Variants in CAMTA1 observed in about 807,000 individuals in gnomAD.
The protein encoded by CAMTA1 is calmodulin-binding transcription activator 1.
Under a neutral mutation model 170.9 loss-of-function variants are expected in CAMTA1, and 27 were observed. The ratio of observed to expected loss-of-function variants is 0.16; its 90% CI spans 0.12 to 0.22. The LOEUF is 0.22. Ranked by LOEUF, CAMTA1 falls within the 10% of genes least tolerant of loss-of-function variation. The probability of loss-of-function intolerance (pLI) is 1.00; values close to 1 mark genes in which losing one functional copy is unlikely to be tolerated. For synonymous variants in CAMTA1, 833 were observed against 891.5 expected, an observed-to-expected ratio of 0.93 and a Z score of 1.17; for missense variants, 1,619 against 2,217.2, an observed-to-expected ratio of 0.73 and a Z score of 5.42.
At chr1:7,508,881 C>G (rs531395832) in intron 6 of CAMTA1, among the ~76,000 whole-genome samples, 1 of 152,210 alleles carries the variant, frequency 6.6e-6, no homozygotes, top group Admixed American at 6.5e-5. Flanking sequence ...CCTTCTCCCC[C>G]TCTTGATTTC....
chr1:7,052,026 T>C (rs534269345), intron 3 of CAMTA1, among the ~76,000 whole-genome samples: 1 of 117,976 alleles, frequency 8.5e-6, no homozygotes, highest in East Asian at 2.8e-4. Context: ...CCCTTTCAAG[T>C]GGAGGCTGTG....
At chr1:6,990,811 ATATATATATT>A (rs1168136493) in intron 3 of CAMTA1, among the ~76,000 whole-genome samples, 31 of 150,400 alleles carry the variant, frequency 2.1e-4, no homozygotes, top group Non-Finnish European at 3.7e-4. Flanking sequence ...CTCTCTATAT[ATATATATATT>A]TATATATATA....
chr1:7,384,214 C>T (rs2087680503), intron 5 of CAMTA1, among the ~76,000 whole-genome samples: 1 of 152,226 alleles, frequency 6.6e-6, no homozygotes, highest in African/African-American at 2.4e-5. Flanking sequence ...ATTCTGAAAG[C>T]ACCACCTGCA....
chr1:7,732,588 A>G lies in CAMTA1; in HGVS notation c.3055A>G (p.Ser1019Gly), dbSNP rs749185810. ...CGGCAGCGGGAGCGGGAATGGAGGG[A>G]GCCAGGCACAGGTACGAGGCGGTGC... The part of the protein sequence containing the change: ...GGGSGSGNGG[S>G]QAQCASGTGA... Residue 1019 changes from serine (S) to glycine (G), a missense_variant, in exon 12 of 23, where the codon AGC becomes GGC. Ser to Gly is a moderately conservative substitution (Grantham distance 56). Around this residue, in one of 8 missense-constraint regions of CAMTA1, gnomAD observed 143 missense variants for 184.2 expected, o/e 0.78. Transcript: ENST00000303635. This position sits in a 1 kb window ranked among gnomAD's most constrained non-coding sequence, Gnocchi z 4.1. 1.7e-5 allele frequency: 27 copies of G among 1,607,006 alleles called. 1 individual carries two copies. The South Asian group carries it at 2.8e-4, about 16-fold the overall frequency.
At chr1:7,729,172 A>G (rs1369383850) in intron 11 of CAMTA1, among the ~76,000 whole-genome samples, 1 of 147,894 alleles carries the variant, frequency 6.8e-6, no homozygotes, top group Non-Finnish European at 1.5e-5. Context: ...GCTGGAGTGC[A>G]GTGGTGCCAT....
chr1:7,506,650 G>A (rs1416108562), intron 6 of CAMTA1, among the ~76,000 whole-genome samples: 1 of 150,524 alleles, frequency 6.6e-6, no homozygotes, highest in Non-Finnish European at 1.5e-5. Flanking sequence ...AACACCTCAT[G>A]CTGAAACGTA....
chr1:7,657,644 C>T (rs536182439), intron 7 of CAMTA1, among the ~76,000 whole-genome samples: 1 of 152,306 alleles, frequency 6.6e-6, no homozygotes, highest in African/African-American at 2.4e-5. Context: ...TAGAAATCTC[C>T]CTTCCCACTG....
intron 5 of CAMTA1, among the ~76,000 whole-genome samples, chr1:7,397,966 G>A (rs945826812): frequency 7.9e-5 from 12 of 151,648 alleles, no homozygotes; most frequent in African/African-American, 2.9e-4. Context: ...GCAGCTGCTG[G>A]ATAAAATGTT....
intron 7 of CAMTA1, among the ~76,000 whole-genome samples, chr1:7,643,460 G>T (rs80246481): frequency 6.6e-6 from 1 of 152,150 alleles, no homozygotes; most frequent in African/African-American, 2.4e-5. Context: ...AATTCTTCTC[G>T]ACACACACAG....
intron 4 of CAMTA1, among the ~76,000 whole-genome samples, chr1:7,094,809 G>A (rs535643537): frequency 2.1e-4 from 32 of 152,220 alleles, no homozygotes; most frequent in African/African-American, 7.5e-4. Flanking sequence ...TGGGACCTCC[G>A]GTTTGAAAAA....
rs1168541383 is a variant in CAMTA1, at chr1:7,609,060, G to A, written c.511-31340G>A. On this transcript the variant is annotated intron_variant, in intron 6 of 22. Transcript: ENST00000303635. This position sits in a 1 kb window ranked among gnomAD's most constrained non-coding sequence, Gnocchi z 4.4. ...TGATGCAGGCTGGGCCCCCCGCAGG[G>A]GTGGGGGCAGTGCTGAGTCACTTCC... Among the ~76,000 whole-genome samples the A allele has an allele frequency of 6.6e-6, 1 of 152,110 alleles. No individual in the cohort carries two copies. Among genetic ancestry groups the A allele is most frequent in the Non-Finnish European group, 1.5e-5 (1 of 68,010 alleles).
At chr1:7,581,935 C>G (rs544267652) in intron 6 of CAMTA1, among the ~76,000 whole-genome samples, 3 of 152,308 alleles carry the variant, frequency 2.0e-5, no homozygotes, top group East Asian at 3.9e-4. Context: ...AGGGTTTACA[C>G]AAAGCTGCAC....
intron 11 of CAMTA1, among the ~76,000 whole-genome samples, chr1:7,705,312 C>T (rs2149569698): frequency 6.7e-6 from 1 of 149,064 alleles, no homozygotes; most frequent in East Asian, 2.1e-4. Context: ...GTGTCGACGC[C>T]CGAGCCTGCG....
Position 7,680,159 on chromosome 1 carries a change from C to A in CAMTA1, c.2914+2426C>A. 9.3e-6 allele frequency: 2 copies of A among 214,598 alleles called. No individual in the cohort carries two copies. Among genetic ancestry groups the A allele is most frequent in the Non-Finnish European group, 2.1e-5 (2 of 97,530 alleles). 13.3% of individuals were successfully genotyped at this position (214,598 alleles called of 1,614,324 possible). A position where few individuals can be genotyped will look rare whatever the true frequency, so the allele number is the denominator to read the frequency against. Reference sequence around the variant, plus strand: ...CGGGGGTCCCGGGCCTCTGGCCAGCCACGGGGCCTGGCCATGAACTTTGCG... The same window carrying A: ...CGGGGGTCCCGGGCCTCTGGCCAGCAACGGGGCCTGGCCATGAACTTTGCG... On this transcript the variant is annotated intron_variant, in intron 11 of 22. Coordinates refer to ENST00000303635, the MANE Select transcript of CAMTA1 (RefSeq NM_015215.4). The surrounding 1 kb of genome is among the most constrained non-coding windows in gnomAD (Gnocchi z 4.4).
chr1:7,495,882 C>T (rs542430124), intron 6 of CAMTA1, among the ~76,000 whole-genome samples: 1 of 152,342 alleles, frequency 6.6e-6, no homozygotes, highest in South Asian at 2.1e-4. Context: ...GGAAAGCCTG[C>T]GAGTCCTGGG....
intron 5 of CAMTA1, among the ~76,000 whole-genome samples, chr1:7,348,286 G>A (rs74052953): frequency 0.023 from 3,514 of 152,328 alleles, 145 homozygotes; most frequent in African/African-American, 0.081. Flanking sequence ...CTTCTTGGCT[G>A]CAGTTTCTGC....
intron 17 of CAMTA1, 122 bp from the exon 18 acceptor site, chr1:7,745,723 G>A: frequency 8.5e-7 from 1 of 1,174,240 alleles, no homozygotes; most frequent in South Asian, 1.4e-5. Flanking sequence ...ACTGAATGAA[G>A]GCATGTTCCT....
At chr1:7,225,966 C>G (rs1354882412) in intron 4 of CAMTA1, among the ~76,000 whole-genome samples, 1 of 152,076 alleles carries the variant, frequency 6.6e-6, no homozygotes, top group Non-Finnish European at 1.5e-5. Flanking sequence ...TTGGGGGTAT[C>G]CTAGGATGGC....
In CAMTA1 at chr1:7,573,934, C is replaced by T. The variant is rs530759764; in HGVS notation, c.511-66466C>T. On this transcript the variant is annotated intron_variant, in intron 6 of 22. Coordinates refer to ENST00000303635, the MANE Select transcript of CAMTA1 (RefSeq NM_015215.4). ...GATTACAGGCGTGCACCACCATGCC[C>T]GGCTAATTTTTGTATTTTTAGTAGA... Among the ~76,000 whole-genome samples the T allele has an allele frequency of 1.4e-4, 21 of 152,072 alleles. No individual in the cohort carries two copies. The East Asian group carries it at 3.1e-3, about 22-fold the overall frequency.
Sources: allele counts gnomAD v4.1 joint callset (sites outside exome capture counted in the v4.1 genomes callset), GRCh38; gene constraint gnomAD v4.1.1; regional missense constraint gnomAD v4.1.1; non-coding constraint Gnocchi (gnomAD v3.1); transcripts MANE v1.5; gene names NCBI Gene and HGNC (gene_info 2026-07-23, HGNC 2026-07-21).